Variants in SIM1 observed in about 807,000 individuals in gnomAD.
SIM1 encodes SIM bHLH transcription factor 1.
In SIM1, 18 loss-of-function variants were observed where a neutral mutation model predicts 78.2. That is an observed-to-expected ratio of 0.23 (90% CI 0.16 to 0.34). The LOEUF (loss-of-function observed/expected upper bound fraction) is 0.34, where lower values mean the gene tolerates loss of function less well. Among genes scored for constraint, SIM1 ranks in the 10% least tolerant of loss-of-function variants. The pLI, the probability that SIM1 is intolerant of heterozygous loss-of-function variation, is 1.00. For missense variants in SIM1, 939 were observed against 975.1 expected (o/e 0.96, Z 0.49); for synonymous variants, 417 against 385.2 (o/e 1.08, Z -0.97).
intron 8 of SIM1, 114 bp downstream of exon 8, chr6:100,448,032 G>A (rs1462398471): frequency 2.5e-6 from 2 of 786,826 alleles, no homozygotes; most frequent in South Asian, 1.8e-5. Flanking sequence ...ACCACCACCC[G>A]GCTCCCTGGG....
chr6:100,456,232 C>T (rs1477704916), intron 2 of SIM1, among the ~76,000 whole-genome samples: 1 of 152,156 alleles, frequency 6.6e-6, no homozygotes, highest in African/African-American at 2.4e-5. Flanking sequence ...AGTAAGGGGT[C>T]CCCCCTCCCT....
intron 3 of SIM1, among the ~76,000 whole-genome samples, chr6:100,453,337 AG>A (rs1237651523): frequency 6.6e-6 from 1 of 152,200 alleles, no homozygotes; most frequent in Non-Finnish European, 1.5e-5. Flanking sequence ...GTGGGCTTAA[AG>A]CACTGACAGG....
intron 9 of SIM1, among the ~76,000 whole-genome samples, chr6:100,430,349 G>T (rs1771869321): frequency 6.6e-6 from 1 of 151,992 alleles, no homozygotes; most frequent in African/African-American, 2.4e-5. Flanking sequence ...GGAGGGTGTT[G>T]GTCTTTAATA....
chr6:100,447,351 T>G lies in SIM1; in HGVS notation c.915A>C (p.Val305=), dbSNP rs530459295. ...CGATGGTCGCGTAGCTCTGCACCCA[T>G]ACCCAGCCGCCGTGTTTCGCCAGGA... ...YRFLAKHGGW[V]WVQSYATIVH... is the part of the protein sequence containing the mutation. The change falls in exon 9 of 12, where the codon GTA becomes GTC. Residue 305 remains valine (V), a synonymous_variant. Coordinates refer to ENST00000369208, the MANE Select transcript of SIM1 (RefSeq NM_005068.3). 1 of 1,614,090 alleles carries G rather than the reference T, an allele frequency of 6.2e-7. No individual in the cohort carries two copies. Among genetic ancestry groups the G allele is most frequent in the African/African-American group, 1.3e-5 (1 of 74,946 alleles).
At chr6:100,461,597 G>A (rs1772847634) in intron 2 of SIM1, among the ~76,000 whole-genome samples, 1 of 152,196 alleles carries the variant, frequency 6.6e-6, no homozygotes, top group Non-Finnish European at 1.5e-5. Context: ...AGACCGCAGG[G>A]GCTGACAAAT....
At chr6:100,410,399 C>T (rs1333386525) in intron 10 of SIM1, among the ~76,000 whole-genome samples, 3 of 152,150 alleles carry the variant, frequency 2.0e-5, no homozygotes, top group African/African-American at 4.8e-5. Flanking sequence ...TTGCTCCACC[C>T]GCTGCCTGAT....
At chr6:100,392,307 A>C (rs1024158509) in intron 11 of SIM1, among the ~76,000 whole-genome samples, 1 of 152,276 alleles carries the variant, frequency 6.6e-6, no homozygotes, top group Non-Finnish European at 1.5e-5. Flanking sequence ...AAACAGTCTG[A>C]AGTCAATATA....
chr6:100,440,361 G>A (rs1289377353), intron 9 of SIM1, among the ~76,000 whole-genome samples: 1 of 152,222 alleles, frequency 6.6e-6, no homozygotes, highest in Non-Finnish European at 1.5e-5. Flanking sequence ...TTGTTTCACA[G>A]ATTGCTTGGA....
Position 100,413,168 on chromosome 6 carries a change from T to G in SIM1, c.1167+7622A>C, listed in dbSNP as rs144098204. Among the ~76,000 whole-genome samples the G allele has an allele frequency of 2.4e-4, 36 of 152,346 alleles. 1 individual carries two copies. The highest frequency in any genetic ancestry group is 8.4e-4 in the African/African-American group (35 of 41,584). ...TTTTAACGATGTTTACATTTTAATC[T>G]TCCCCATTGAATCCATAAGCTCTCT... is the stretch of plus-strand genomic sequence containing the variant. On this transcript the variant is annotated intron_variant, in intron 10 of 11. Transcript: ENST00000369208.
At chr6:100,438,832 C>T (rs757377591) in intron 9 of SIM1, among the ~76,000 whole-genome samples, 1 of 152,108 alleles carries the variant, frequency 6.6e-6, no homozygotes, top group Non-Finnish European at 1.5e-5. Flanking sequence ...GAACTGGAGG[C>T]CACTGTTCTA....
intron 9 of SIM1, among the ~76,000 whole-genome samples, chr6:100,432,244 T>A (rs546192873): frequency 3.2e-4 from 49 of 152,326 alleles, no homozygotes; most frequent in African/African-American, 1.2e-3. Flanking sequence ...TTCTAAAACT[T>A]CAGCACGCCT....
At chr6:100,443,540 C>T (rs1348038486) in intron 9 of SIM1, among the ~76,000 whole-genome samples, 1 of 152,072 alleles carries the variant, frequency 6.6e-6, no homozygotes, top group Non-Finnish European at 1.5e-5. Flanking sequence ...ACGAAAGTCT[C>T]CTCACAAAAT....
At chr6:100,452,551 G>C (rs1279009734) in intron 3 of SIM1, among the ~76,000 whole-genome samples, 1 of 152,156 alleles carries the variant, frequency 6.6e-6, no homozygotes, top group East Asian at 1.9e-4. Context: ...ATGGGGAGAG[G>C]GTGGGCCATT....
chr6:100,452,256 T>C (rs1772530313), intron 3 of SIM1, among the ~76,000 whole-genome samples: 1 of 152,230 alleles, frequency 6.6e-6, no homozygotes, highest in African/African-American at 2.4e-5. Context: ...TAAAAGGCAC[T>C]ACTCTTTCTT....
intron 3 of SIM1, among the ~76,000 whole-genome samples, chr6:100,451,244 C>G (rs1313837665): frequency 6.6e-6 from 1 of 152,104 alleles, no homozygotes; most frequent in African/African-American, 2.4e-5. Flanking sequence ...CTTAGGGGAG[C>G]TGATGTTTGA....
rs1346569128 is a variant in SIM1 at position 100,391,048 on chromosome 6, G to A, written c.1614C>T (p.Asp538=). 1 of 1,613,898 alleles carries A rather than the reference G, an allele frequency of 6.2e-7. No homozygotes were observed. The highest frequency in any genetic ancestry group is 1.3e-5 in the African/African-American group (1 of 74,998). ...CACCTGATTCACTGGCCGACCCAGG[G>A]TCTGGAGAACTGACCACACTATCTT... is the stretch of plus-strand genomic sequence containing the variant. ...WDEDSVVSSP[D]PGSASESGDR... is the part of the protein sequence containing the mutation. Residue 538 remains aspartate, a synonymous_variant, in exon 12 of 12, where the codon GAC becomes GAT. Transcript: ENST00000369208.
intron 10 of SIM1, among the ~76,000 whole-genome samples, chr6:100,409,069 A>G (rs1771126788): frequency 6.6e-6 from 1 of 152,086 alleles, no homozygotes; most frequent in African/African-American, 2.4e-5. Context: ...TTGATGATTG[A>G]TTTAATCTCC....
intron 7 of SIM1, 49 bp from the exon 8 acceptor site, chr6:100,448,301 T>G: frequency 6.7e-7 from 1 of 1,491,680 alleles, no homozygotes; most frequent in Non-Finnish European, 9.2e-7. Context: ...GGTGCAGGGA[T>G]GCCCTCCCCA....
At chr6:100,440,667 TCCAA>T (rs1445107964) in intron 9 of SIM1, among the ~76,000 whole-genome samples, 1 of 152,162 alleles carries the variant, frequency 6.6e-6, no homozygotes, top group African/African-American at 2.4e-5. Context: ...TCGTCTAAAC[TCCAA>T]CCAATCCTTT....
Sources: allele counts gnomAD v4.1 joint callset (sites outside exome capture counted in the v4.1 genomes callset), GRCh38; gene constraint gnomAD v4.1.1; transcripts MANE v1.5; gene names NCBI Gene and HGNC (gene_info 2026-07-23, HGNC 2026-07-21).